The following GRID1 variants were observed in gnomAD, a reference collection of about 807,000 sequenced individuals.
The protein encoded by GRID1 is glutamate ionotropic receptor delta type subunit 1, also known as glutamate receptor ionotropic, delta-1.
GRID1 carries 28 observed loss-of-function variants against 98.0 expected under a neutral mutation model. The ratio of observed to expected loss-of-function variants is 0.29; its 90% confidence interval spans 0.21 to 0.39. GRID1 has a LOEUF of 0.39. Among genes scored for constraint, GRID1 ranks in the 10% least tolerant of loss-of-function variants. GRID1 has a pLI of 1.00. For missense variants in GRID1, 1,111 were observed against 1,340.5 expected (o/e 0.83, Z 2.67); for synonymous variants, 553 against 538.5 (o/e 1.03, Z -0.37).
rs371924782 is a variant in GRID1, at chr10:85,928,770, T to C, written c.727-12531A>G. Among the ~76,000 whole-genome samples the C allele has an allele frequency of 4.6e-5, 7 of 152,244 alleles. 1 individual carries two copies. In the South Asian group the frequency reaches 1.4e-3, roughly 31 times the overall value. On this transcript the variant is annotated intron_variant, in intron 4 of 15. Transcript: ENST00000327946. ...CACTGGAAGCCTTCATCTTTATCCT[T>C]GTAAATGTCATGTTACTGGAATCAG...
chr10:85,687,763 T>C (rs1590190334), intron 12 of GRID1, among the ~76,000 whole-genome samples: 1 of 151,820 alleles, frequency 6.6e-6, no homozygotes, highest in South Asian at 2.1e-4. Flanking sequence ...GTGGGAAAAG[T>C]TCAAGAACAA....
intron 2 of GRID1, among the ~76,000 whole-genome samples, chr10:86,292,748 G>C (rs772956012): frequency 6.6e-6 from 1 of 151,804 alleles, no homozygotes; most frequent in Non-Finnish European, 1.5e-5. Flanking sequence ...TGTGAGTGTC[G>C]GGAGTGGGTG....
chr10:85,726,234 ATTT>A (rs112297328), intron 10 of GRID1, among the ~76,000 whole-genome samples: 2 of 146,438 alleles, frequency 1.4e-5, no homozygotes, highest in Non-Finnish European at 3.0e-5. Context: ...AAGTACAATC[ATTT>A]TTTTTTTTTT....
intron 8 of GRID1, among the ~76,000 whole-genome samples, chr10:85,826,990 T>G (rs1842826057): frequency 6.6e-6 from 1 of 152,144 alleles, no homozygotes; most frequent in Non-Finnish European, 1.5e-5. Context: ...AAAGGACAAC[T>G]TCAAAGATTG....
intron 4 of GRID1, among the ~76,000 whole-genome samples, chr10:85,959,769 A>G (rs2131848399): frequency 6.6e-6 from 1 of 152,266 alleles, no homozygotes; most frequent in Non-Finnish European, 1.5e-5. Context: ...TTGTTTATCT[A>G]TTCACCTGTC....
At chr10:85,866,039 T>G (rs1200276904) in intron 6 of GRID1, among the ~76,000 whole-genome samples, 3 of 147,408 alleles carry the variant, frequency 2.0e-5, no homozygotes, top group African/African-American at 7.5e-5. Context: ...ACCTGCATTC[T>G]TAATAGATTC....
At chr10:86,322,551 G>C (rs1031505717) in intron 2 of GRID1, among the ~76,000 whole-genome samples, 1 of 151,672 alleles carries the variant, frequency 6.6e-6, no homozygotes, top group East Asian at 2.0e-4. Context: ...GCTGGGACTA[G>C]AGGCACACGT....
At chr10:86,213,727 C>A (rs574379394) in intron 2 of GRID1, among the ~76,000 whole-genome samples, 1 of 152,204 alleles carries the variant, frequency 6.6e-6, no homozygotes, top group East Asian at 1.9e-4. Context: ...CAAGGCTCCC[C>A]CTGGGGTCCT....
At chr10:85,775,815 G>T (rs1265379689) in intron 8 of GRID1, among the ~76,000 whole-genome samples, 2 of 152,066 alleles carry the variant, frequency 1.3e-5, no homozygotes, top group Non-Finnish European at 2.9e-5. Flanking sequence ...AACAACATTA[G>T]GCATCTCTTC....
At chr10:85,969,332 A>G (rs1169122820) in intron 4 of GRID1, among the ~76,000 whole-genome samples, 12 of 152,132 alleles carry the variant, frequency 7.9e-5, no homozygotes, top group Admixed American at 7.9e-4. Flanking sequence ...AATGCTATAA[A>G]CCAACTAGAT....
chr10:85,783,618 G>C (rs1185111457), intron 8 of GRID1, among the ~76,000 whole-genome samples: 1 of 152,152 alleles, frequency 6.6e-6, no homozygotes, highest in Non-Finnish European at 1.5e-5. Context: ...TAGGAGCCAA[G>C]GATCTTGCTA....
chr10:86,150,000 A>G (rs1845141030), intron 3 of GRID1, among the ~76,000 whole-genome samples: 2 of 152,234 alleles, frequency 1.3e-5, no homozygotes, highest in South Asian at 4.1e-4. Context: ...TGATTTTTAG[A>G]ATTTTCACAA....
Position 86,322,715 on chromosome 10 carries a change from A to G in GRID1, c.235+41226T>C, listed in dbSNP as rs111465408. 6.0e-5 allele frequency among the ~76,000 whole-genome samples: 9 copies of G among 150,806 alleles called. 1 individual carries two copies. The highest frequency in any genetic ancestry group is 2.2e-4 in the African/African-American group (9 of 41,126). Reference sequence around the variant, plus strand: ...TGTGAGCCACCTTGCCCGGCCTTGAATTATTTTTTTTTAAATAAAAATAAA... The same window carrying G: ...TGTGAGCCACCTTGCCCGGCCTTGAGTTATTTTTTTTTAAATAAAAATAAA... On this transcript the variant is annotated intron_variant, in intron 2 of 15. Transcript: ENST00000327946.
Position 85,606,002 on chromosome 10 carries a change from A to G in GRID1, c.2602-3301T>C, listed in dbSNP as rs567899557. ...GAGCATGGTGGATTGTCAAGTGCCA[A>G]GCTGGAATAGTAAACGTGGTGGTGG... On this transcript the variant is annotated intron_variant, in intron 15 of 15. Coordinates refer to ENST00000327946, the MANE Select transcript of GRID1 (RefSeq NM_017551.3). The G allele has an allele frequency of 2.0e-5, 3 of 152,372 alleles. No individual in the cohort carries two copies. The East Asian group carries it at 5.8e-4, about 29-fold the overall frequency. 9.4% of individuals were successfully genotyped at this position (152,372 alleles called of 1,614,324 possible). A position where few individuals can be genotyped will look rare whatever the true frequency, so the allele number is the denominator to read the frequency against.
intron 2 of GRID1, among the ~76,000 whole-genome samples, chr10:86,292,819 C>T (rs1407214673): frequency 6.6e-6 from 1 of 151,328 alleles, no homozygotes; most frequent in Non-Finnish European, 1.5e-5. Flanking sequence ...TGGATGTTAA[C>T]GTGAGTTTGT....
chr10:85,677,082 T>A (rs1225886073), intron 12 of GRID1, among the ~76,000 whole-genome samples: 2 of 152,206 alleles, frequency 1.3e-5, no homozygotes, highest in African/African-American at 4.8e-5. Context: ...TGGGAATGTG[T>A]GACAGAGCTC....
chr10:86,241,913 G>A (rs753624132), intron 2 of GRID1, among the ~76,000 whole-genome samples: 1 of 152,174 alleles, frequency 6.6e-6, no homozygotes, highest in Non-Finnish European at 1.5e-5. Flanking sequence ...CCTCCTGTGT[G>A]CCAATGCCTA....
At chr10:86,079,634 C>A (rs960874107) in intron 4 of GRID1, among the ~76,000 whole-genome samples, 1 of 152,148 alleles carries the variant, frequency 6.6e-6, no homozygotes, top group African/African-American at 2.4e-5. Context: ...CAGCACCAAC[C>A]CTGGGTGCCC....
At chr10:86,077,609 A>G (rs1843901259) in intron 4 of GRID1, among the ~76,000 whole-genome samples, 1 of 152,208 alleles carries the variant, frequency 6.6e-6, no homozygotes, top group African/African-American at 2.4e-5. Context: ...CCTCCATTCG[A>G]ACACATATTG....
Sources: allele counts gnomAD v4.1 joint callset (sites outside exome capture counted in the v4.1 genomes callset), GRCh38; gene constraint gnomAD v4.1.1; transcripts MANE v1.5; gene names NCBI Gene and HGNC (gene_info 2026-07-23, HGNC 2026-07-21).